Variants in SRGAP1 observed in about 807,000 individuals in gnomAD.
SRGAP1 encodes SLIT-ROBO Rho GTPase activating protein 1.
Under a neutral mutation model 121.9 loss-of-function variants are expected in SRGAP1, and 43 were observed. The ratio of observed to expected loss-of-function variants is 0.35; its 90% CI spans 0.28 to 0.46. The LOEUF is 0.46. Among genes scored for constraint, SRGAP1 ranks in the 20% least tolerant of loss-of-function variants. The pLI, the probability that SRGAP1 is intolerant of heterozygous loss-of-function variation, is 1.00. For synonymous variants in SRGAP1, 447 were observed against 485.4 expected (o/e 0.92, Z 1.04); for missense variants, 1,102 against 1,350.9 (o/e 0.82, Z 2.89).
In SRGAP1 at chr12:64,126,090, T is replaced by A; in HGVS notation, c.2338T>A (p.Trp780Arg). The A allele has an allele frequency of 1.9e-6, 3 of 1,614,204 alleles. No individual in the cohort carries two copies. Among genetic ancestry groups the A allele is most frequent in the Non-Finnish European group, 2.5e-6 (3 of 1,180,024 alleles). Residue 780 changes from tryptophan (W) to arginine (R), a missense_variant, in exon 19 of 22, where the codon TGG becomes AGG. This residue lies in a region of SRGAP1 where 40 missense variants were observed against 78.4 expected (regional missense o/e 0.51). Coordinates refer to ENST00000355086, the MANE Select transcript of SRGAP1 (RefSeq NM_020762.4). ...GCTGTATCACCGTGCATCTGAGGAC[T>A]GGTGGGAAGGCAGGCACAACGGGAT... is the stretch of plus-strand genomic sequence containing the variant. ...LLLYHRASED[W>R]WEGRHNGIDG...
chr12:63,875,243 T>A (rs1899991708), intron 1 of SRGAP1, among the ~76,000 whole-genome samples: 1 of 152,202 alleles, frequency 6.6e-6, no homozygotes, highest in African/African-American at 2.4e-5. Flanking sequence ...CTGGCTCTAA[T>A]ACCTGGCACA....
At chr12:63,993,826 T>C (rs2033622222) in intron 3 of SRGAP1, among the ~76,000 whole-genome samples, 1 of 150,950 alleles carries the variant, frequency 6.6e-6, no homozygotes, top group South Asian at 2.1e-4. Context: ...GTTATAGACA[T>C]AGTTGCCTAA....
intron 6 of SRGAP1, among the ~76,000 whole-genome samples, chr12:64,058,964 C>A (rs1370695309): frequency 6.6e-6 from 1 of 152,008 alleles, no homozygotes; most frequent in East Asian, 1.9e-4. Context: ...AAAATTAAGC[C>A]AATTAAGTGA....
intron 4 of SRGAP1, among the ~76,000 whole-genome samples, chr12:64,042,231 T>C (rs1358171177): frequency 6.6e-6 from 1 of 152,050 alleles, no homozygotes; most frequent in Non-Finnish European, 1.5e-5. Flanking sequence ...TGTTTGTTTG[T>C]TTTTTTAAGA....
intron 3 of SRGAP1, among the ~76,000 whole-genome samples, chr12:63,993,240 A>G (rs186848550): frequency 1.3e-5 from 2 of 152,080 alleles, no homozygotes; most frequent in South Asian, 2.1e-4. Context: ...TGAGGTTGCA[A>G]TTTTTTTAAT....
In SRGAP1 at chr12:64,063,019, A is replaced by G. The variant is rs542720477; in HGVS notation, c.904A>G (p.Ile302Val). The G allele has an allele frequency of 6.2e-7, 1 of 1,614,086 alleles. No individual in the cohort carries two copies. The highest frequency in any genetic ancestry group is 1.1e-5 in the South Asian group (1 of 91,080). The part of the protein sequence containing the change: ...ETSRHEGLDI[I>V]ENAVDNLEPR... ...CTCCAGACATGAGGGCTTAGACATT[A>G]TTGAGAATGCAGTTGATAATTTAGA... The change falls in exon 7 of 22, where the codon ATT becomes GTT. Residue 302 changes from isoleucine (I) to valine (V), a missense_variant. This residue lies in a region of SRGAP1 where 747 missense variants were observed against 929.4 expected (regional missense o/e 0.80). Coordinates refer to ENST00000355086, the MANE Select transcript of SRGAP1 (RefSeq NM_020762.4).
At position 64,145,636 on chromosome 12, in the gene SRGAP1, T is replaced by G. The variant is rs1450009405; in HGVS notation, c.*2964T>G. On this transcript the variant is annotated 3_prime_UTR_variant, in exon 22 of 22. Transcript: ENST00000355086. ...TCAGTAAAGACTCACCTCTCCTTACTTGGTTTATTAAATGTCTTCAGATTC... is the reference window on the plus strand; with the variant it reads ...TCAGTAAAGACTCACCTCTCCTTACGTGGTTTATTAAATGTCTTCAGATTC... The G allele has an allele frequency of 6.6e-6, 1 of 152,146 alleles. No individual in the cohort carries two copies. The highest frequency in any genetic ancestry group is 1.5e-5 in the Non-Finnish European group (1 of 68,058). The allele number at this position is 152,146 out of a possible 1,614,324, so 9.4% of individuals were successfully genotyped here. A position where few individuals can be genotyped will look rare whatever the true frequency, so the allele number is the denominator to read the frequency against.
At chr12:64,132,020 C>T (rs1184314442) in intron 21 of SRGAP1, among the ~76,000 whole-genome samples, 1 of 152,138 alleles carries the variant, frequency 6.6e-6, no homozygotes, top group Non-Finnish European at 1.5e-5. Context: ...ACTAAAAATG[C>T]AAAAATTAGC....
chr12:63,864,848 A>C (rs1488478828), intron 1 of SRGAP1, among the ~76,000 whole-genome samples: 1 of 152,180 alleles, frequency 6.6e-6, no homozygotes, highest in East Asian at 1.9e-4. Flanking sequence ...ACTTTAGTGA[A>C]TTAGGAAAAA....
At chr12:64,111,375 G>C (rs1329816076) in intron 16 of SRGAP1, among the ~76,000 whole-genome samples, 1 of 152,058 alleles carries the variant, frequency 6.6e-6, no homozygotes, top group East Asian at 1.9e-4. Flanking sequence ...TATTTGAGTG[G>C]GGAGAAGACA....
chr12:64,002,231 C>T (rs1397639750), intron 3 of SRGAP1, among the ~76,000 whole-genome samples: 1 of 152,184 alleles, frequency 6.6e-6, no homozygotes, highest in Non-Finnish European at 1.5e-5. Context: ...CCTCATGCCC[C>T]AGTCACCAGA....
chr12:64,048,799 A>G (rs1464586523), intron 6 of SRGAP1, among the ~76,000 whole-genome samples: 2 of 152,038 alleles, frequency 1.3e-5, no homozygotes, highest in Non-Finnish European at 2.9e-5. Context: ...TTTGTATGTC[A>G]TCTTTTGAGA....
intron 1 of SRGAP1, among the ~76,000 whole-genome samples, chr12:63,881,703 A>G (rs1900200457): frequency 1.3e-5 from 2 of 152,210 alleles, no homozygotes; most frequent in Admixed American, 6.5e-5. Flanking sequence ...AGTGTCCAAC[A>G]CTTTTGGGAA....
chr12:64,065,013 C>G, intron 7 of SRGAP1, 105 bp from the exon 8 acceptor site: 1 of 742,786 alleles, frequency 1.3e-6, no homozygotes, highest in Admixed American at 3.3e-5. Flanking sequence ...TAATTGGAAC[C>G]TTGAGAGGAT....
intron 1 of SRGAP1, among the ~76,000 whole-genome samples, chr12:63,891,182 T>C (rs1484456663): frequency 1.3e-5 from 2 of 152,156 alleles, no homozygotes; most frequent in African/African-American, 2.4e-5. Flanking sequence ...TATTAGACGC[T>C]CCTCACTACC....
chr12:64,039,322 C>A (rs974120322), intron 4 of SRGAP1, among the ~76,000 whole-genome samples: 1 of 152,094 alleles, frequency 6.6e-6, no homozygotes, highest in Admixed American at 6.6e-5. Context: ...TTCTTTCCAG[C>A]GTTAGGTCAG....
At chr12:64,121,546 T>C (rs1428713296) in intron 18 of SRGAP1, among the ~76,000 whole-genome samples, 2 of 152,140 alleles carry the variant, frequency 1.3e-5, no homozygotes, top group Non-Finnish European at 2.9e-5. Context: ...TGAGCCACCA[T>C]GCCCAGCCTG....
At chr12:63,964,207 T>G (rs2032720968) in intron 1 of SRGAP1, among the ~76,000 whole-genome samples, 1 of 152,180 alleles carries the variant, frequency 6.6e-6, no homozygotes, top group South Asian at 2.1e-4. Context: ...TCTAATAGGA[T>G]TGGTATAGAA....
intron 1 of SRGAP1, among the ~76,000 whole-genome samples, chr12:63,849,499 A>G (rs1169284771): frequency 6.6e-6 from 1 of 152,244 alleles, no homozygotes; most frequent in Admixed American, 6.5e-5. Flanking sequence ...ATATTTATCT[A>G]CATGGAATAT....
Sources: allele counts gnomAD v4.1 joint callset (sites outside exome capture counted in the v4.1 genomes callset), GRCh38; gene constraint gnomAD v4.1.1; regional missense constraint gnomAD v4.1.1; transcripts MANE v1.5; gene names NCBI Gene and HGNC (gene_info 2026-07-23, HGNC 2026-07-21).